The following GFRA1 variants were observed in gnomAD, a reference collection of about 807,000 sequenced individuals.
GFRA1 encodes GDNF family receptor alpha-1.
GFRA1 carries 16 observed loss-of-function variants against 51.6 expected under a neutral mutation model. That is an observed-to-expected ratio of 0.31 (90% CI 0.21 to 0.47). The LOEUF (loss-of-function observed/expected upper bound fraction) is 0.47, where lower values mean the gene tolerates loss of function less well. Among genes scored for constraint, GFRA1 ranks in the 20% least tolerant of loss-of-function variants. The pLI is 1.00. For missense variants in GFRA1, 530 were observed against 594.3 expected (o/e 0.89, Z 1.13); for synonymous variants, 270 against 241.3 (o/e 1.12, Z -1.10).
chr10:116,249,898 G>C (rs1968181271), intron 4 of GFRA1, among the ~76,000 whole-genome samples: 1 of 152,200 alleles, frequency 6.6e-6, no homozygotes, highest in Admixed American at 6.5e-5. Context: ...GGTAGGGTCT[G>C]TGCAGATAAC....
intron 4 of GFRA1, among the ~76,000 whole-genome samples, chr10:116,260,903 T>G (rs961068012): frequency 6.6e-6 from 1 of 152,214 alleles, no homozygotes; most frequent in Non-Finnish European, 1.5e-5. Flanking sequence ...AATGAAAGAT[T>G]ATCTTTAAAA....
chr10:116,240,633 C>T (rs778852506), intron 4 of GFRA1, among the ~76,000 whole-genome samples: 7 of 152,172 alleles, frequency 4.6e-5, no homozygotes, highest in Non-Finnish European at 2.9e-5. Context: ...TTAAGAACTG[C>T]GGCATGATCT....
Position 116,058,915 on chromosome 10 carries a change from C to T in GFRA1, c.*5483G>A, listed in dbSNP as rs1299356942. 3 of 152,196 alleles carry T rather than the reference C, an allele frequency of 2.0e-5. No homozygotes were observed. The highest frequency in any genetic ancestry group is 4.8e-5 in the African/African-American group (2 of 41,434). 9.4% of individuals were successfully genotyped at this position (152,196 alleles called of 1,614,324 possible). On this transcript the variant is annotated 3_prime_UTR_variant, in exon 11 of 11. Coordinates refer to ENST00000355422, the MANE Select transcript of GFRA1 (RefSeq NM_005264.8). ...ATTAAAATCTCAGCGGACTAACTGG[C>T]GAATTTCCCACAAAGTCTACCCCCG...
At position 116,229,058 on chromosome 10, in the gene GFRA1, C is replaced by T. The variant is rs1299663333; in HGVS notation, c.419-17413G>A. Reference sequence around the variant, plus strand: ...GGAAAAGGCAAGGAGACAGATTCTCCACCAGGGCCTCCAGAAGGAACACAG... The same window carrying T: ...GGAAAAGGCAAGGAGACAGATTCTCTACCAGGGCCTCCAGAAGGAACACAG... On this transcript the variant is annotated intron_variant, in intron 4 of 10. Transcript: ENST00000355422. Among the ~76,000 whole-genome samples, 3 of 150,840 alleles carry T rather than the reference C, an allele frequency of 2.0e-5. No individual in the cohort carries two copies. In the Admixed American group the frequency reaches 2.0e-4, roughly 10 times the overall value.
chr10:116,271,825 C>T (rs1843965168), intron 2 of GFRA1, among the ~76,000 whole-genome samples, 165 bp downstream of exon 2: 1 of 152,288 alleles, frequency 6.6e-6, no homozygotes, highest in Admixed American at 6.5e-5. Flanking sequence ...GCCACCGCCT[C>T]CCTAACCCGG....
At chr10:116,116,571 GA>G (rs1957420415) in intron 6 of GFRA1, among the ~76,000 whole-genome samples, 1 of 152,218 alleles carries the variant, frequency 6.6e-6, no homozygotes, top group Non-Finnish European at 1.5e-5. Context: ...ACACATGCAG[GA>G]CCCTCACTGT....
At chr10:116,085,876 T>C (rs1956080007) in intron 9 of GFRA1, among the ~76,000 whole-genome samples, 1 of 152,158 alleles carries the variant, frequency 6.6e-6, no homozygotes, top group Admixed American at 6.5e-5. Context: ...TACCCCTTAT[T>C]TGCATCAGTG....
intron 6 of GFRA1, among the ~76,000 whole-genome samples, chr10:116,099,423 C>A (rs977032000): frequency 6.6e-6 from 1 of 152,190 alleles, no homozygotes; most frequent in African/African-American, 2.4e-5. Context: ...CCAGTTGAGT[C>A]CCAACCCTTC....
At chr10:116,262,874 G>C (rs1191452965) in intron 4 of GFRA1, among the ~76,000 whole-genome samples, 3 of 152,152 alleles carry the variant, frequency 2.0e-5, no homozygotes, top group Non-Finnish European at 4.4e-5. Context: ...ATGGGGAGAG[G>C]TTAGAGGAAT....
Position 116,272,232 on chromosome 10 carries a change from G to A in GFRA1, c.-203C>T, listed in dbSNP as rs1332354610. ...GGCGACTCAGCTCCGGGATGGCGAG[G>A]GCGGGAGGCGGTTCCGCTTTTAGGG... is the stretch of plus-strand genomic sequence containing the variant. On this transcript the variant is annotated 5_prime_UTR_variant, in exon 2 of 11. Transcript: ENST00000355422. The surrounding 1 kb of genome is among the most constrained non-coding windows in gnomAD (Gnocchi z 4.4). 3.2e-6 allele frequency: 2 copies of A among 618,030 alleles called. No homozygotes were observed. The highest frequency in any genetic ancestry group is 5.5e-5 in the East Asian group (2 of 36,426). The allele number at this position is 618,030 out of a possible 1,614,324, so 38.3% of individuals were successfully genotyped here.
At chr10:116,234,372 C>G (rs949075769) in intron 4 of GFRA1, among the ~76,000 whole-genome samples, 40 of 152,174 alleles carry the variant, frequency 2.6e-4, no homozygotes, top group African/African-American at 9.7e-4. Context: ...GAAACAGGGC[C>G]TAGAATCCTA....
chr10:116,159,900 A>G (rs1208743919), intron 5 of GFRA1, among the ~76,000 whole-genome samples: 5 of 152,254 alleles, frequency 3.3e-5, no homozygotes, highest in African/African-American at 9.6e-5. Flanking sequence ...ATCATATAAA[A>G]TGGTCATTAA....
At chr10:116,078,800 C>G (rs544778669) in intron 9 of GFRA1, among the ~76,000 whole-genome samples, 15 of 152,252 alleles carry the variant, frequency 9.9e-5, no homozygotes, top group Middle Eastern at 3.4e-3. Flanking sequence ...CCACAAATAA[C>G]ACGCAGCCCC....
chr10:116,102,493 A>G (rs1166238825), intron 6 of GFRA1, among the ~76,000 whole-genome samples: 1 of 152,202 alleles, frequency 6.6e-6, no homozygotes, highest in African/African-American at 2.4e-5. Context: ...GTCCGTTTTT[A>G]TGCTGCTGAA....
chr10:116,069,573 G>A (rs763017699), intron 9 of GFRA1, among the ~76,000 whole-genome samples: 2 of 152,268 alleles, frequency 1.3e-5, no homozygotes, highest in Admixed American at 6.5e-5. Flanking sequence ...GTCCAGGCAC[G>A]TCGCATAAAT....
In GFRA1 at chr10:116,093,686, T is replaced by A. The variant is rs754783608; in HGVS notation, c.1015+16A>T. 56 of 1,612,206 alleles carry A rather than the reference T, an allele frequency of 3.5e-5. No individual in the cohort carries two copies. Among genetic ancestry groups the A allele is most frequent in the Non-Finnish European group, 4.5e-5 (53 of 1,178,414 alleles). ...AATGCGTTTGCTCCTTTGTTTCTTA[T>A]TTTTTACAAACTCACTAAGACATGT... is the stretch of plus-strand genomic sequence containing the variant. On this transcript the variant is annotated intron_variant, in intron 8 of 10. Transcript: ENST00000355422.
intron 6 of GFRA1, 111 bp from the exon 7 acceptor site, chr10:116,096,875 G>GCACACACACACACACACA (rs757516182): frequency 8.4e-6 from 4 of 474,080 alleles, no homozygotes; most frequent in Non-Finnish European, 1.1e-5. Context: ...TTCTGCACAC[G>GCACACACACACACACACA]CACACGCACA....
At chr10:116,250,492 A>G (rs1968243837) in intron 4 of GFRA1, among the ~76,000 whole-genome samples, 1 of 152,218 alleles carries the variant, frequency 6.6e-6, no homozygotes, top group African/African-American at 2.4e-5. Flanking sequence ...TTTTAAAAGA[A>G]TGAGATAAAT....
chr10:116,259,891 G>A (rs1472618542), intron 4 of GFRA1, among the ~76,000 whole-genome samples: 1 of 152,186 alleles, frequency 6.6e-6, no homozygotes, highest in African/African-American at 2.4e-5. Flanking sequence ...TTAGCATGGT[G>A]GGGGACCAGA....
Sources: gnomAD v4.1 joint callset for allele counts (sites outside exome capture counted in the v4.1 genomes callset) on GRCh38, gnomAD v4.1.1 for gene constraint, Gnocchi (gnomAD v3.1) non-coding constraint, MANE v1.5 for transcripts, NCBI Gene and HGNC (gene_info 2026-07-23, HGNC 2026-07-21) for gene names.